Variants in BCKDHA observed in about 807,000 individuals in gnomAD.
The protein encoded by BCKDHA is 2-oxoisovalerate dehydrogenase subunit alpha, mitochondrial.
BCKDHA carries 43 observed loss-of-function variants against 52.2 expected under a neutral mutation model. The ratio of observed to expected loss-of-function variants is 0.82; its 90% CI spans 0.64 to 1.06. The LOEUF is 1.06. Among genes scored for constraint, BCKDHA ranks in the 50% least tolerant of loss-of-function variants. The pLI is 0.00. For synonymous variants in BCKDHA, 234 were observed against 247.9 expected (o/e 0.94, Z 0.53); for missense variants, 527 against 621.3 (o/e 0.85, Z 1.61).
chr19:41,397,833 G>A lies in BCKDHA; in HGVS notation c.6G>A (p.Ala2=), dbSNP rs1420392096. M[A]VAIAAARVWR... is the part of the protein sequence containing the mutation. The stretch of plus-strand genomic sequence containing the variant: ...CTGAGTGGTTGTTAGCCAAGATGGC[G>A]GTAGCGATCGCTGCAGCGAGGGTCT... Residue 2 remains alanine (A), a synonymous_variant, in exon 1 of 9, where the codon GCG becomes GCA. Coordinates refer to ENST00000269980, the MANE Select transcript of BCKDHA (RefSeq NM_000709.4). The A allele has an allele frequency of 6.2e-7, 1 of 1,614,150 alleles. No individual in the cohort carries two copies. The highest frequency in any genetic ancestry group is 8.5e-7 in the Non-Finnish European group (1 of 1,180,016).
chr19:41,419,515 C>T (rs950505665), intron 5 of BCKDHA, among the ~76,000 whole-genome samples: 1 of 152,176 alleles, frequency 6.6e-6, no homozygotes, highest in Non-Finnish European at 1.5e-5. Flanking sequence ...TATCGCAGCT[C>T]ACTGCAGCCT....
rs1325405564 is a variant in BCKDHA, at chr19:41,422,707, A to C, written c.932A>C (p.Lys311Thr). 1 of 1,614,112 alleles carries C rather than the reference A, an allele frequency of 6.2e-7. No individual in the cohort carries two copies. The highest frequency in any genetic ancestry group is 1.7e-5 in the Admixed American group (1 of 60,022). ...NDVFAVYNAT[K>T]EARRRAVAEN... ...GTGTTTGCCGTATACAACGCCACAAAGGAGGCCCGACGGCGGGCTGTGGCA... is the reference window on the plus strand; with the variant it reads ...GTGTTTGCCGTATACAACGCCACAACGGAGGCCCGACGGCGGGCTGTGGCA... Residue 311 changes from lysine to threonine, a missense_variant, in exon 7 of 9, where the codon AAG becomes ACG. Transcript: ENST00000269980.
chr19:41,424,560 C>T lies in BCKDHA; in HGVS notation c.1290C>T (p.His430=). The T allele has an allele frequency of 1.2e-6, 2 of 1,614,050 alleles. No individual in the cohort carries two copies. Among genetic ancestry groups the T allele is most frequent in the Non-Finnish European group, 1.7e-6 (2 of 1,179,938 alleles). ...LRKQQESLAR[H]LQTYGEHYPL... ...AGCAGCAGGAGTCTCTGGCCCGCCA[C>T]CTGCAGACCTACGGGGAGCACTACC... Residue 430 remains histidine, a synonymous_variant, in exon 9 of 9, where the codon CAC becomes CAT. Coordinates refer to ENST00000269980, the MANE Select transcript of BCKDHA (RefSeq NM_000709.4).
chr19:41,411,112 T>TG (rs1056149241), intron 3 of BCKDHA, 103 bp downstream of exon 3: 94 of 1,298,636 alleles, frequency 7.2e-5, no homozygotes, highest in Middle Eastern at 7.2e-4. Context: ...GATTCTTTTT[T>TG]GGGGGGGTTC....
chr19:41,408,445 A>G (rs143830581), intron 1 of BCKDHA, among the ~76,000 whole-genome samples: 2 of 152,154 alleles, frequency 1.3e-5, no homozygotes, highest in Non-Finnish European at 2.9e-5. Flanking sequence ...AGGGGGAGCT[A>G]TTGCAACGCC....
chr19:41,419,746 CTTTTTTTTTTTTTTTTTTT>C, intron 5 of BCKDHA, among the ~76,000 whole-genome samples: 1 of 127,958 alleles, frequency 7.8e-6, no homozygotes, highest in Middle Eastern at 4.3e-3. Context: ...GCCCAGCCCA[CTTTTTTTTTTTTTTTTTTT>C]TTTTTTTTTT....
chr19:41,417,359 C>A (rs960809675), intron 4 of BCKDHA, among the ~76,000 whole-genome samples: 1 of 152,138 alleles, frequency 6.6e-6, no homozygotes, highest in Admixed American at 6.5e-5. Flanking sequence ...CCCAGTCCTT[C>A]TCACATGGGT....
At chr19:41,409,420 C>T (rs2039227734) in intron 1 of BCKDHA, among the ~76,000 whole-genome samples, 1 of 152,110 alleles carries the variant, frequency 6.6e-6, no homozygotes, top group South Asian at 2.1e-4. Flanking sequence ...GGACAGATAT[C>T]TTGCCTGTCT....
chr19:41,414,228 C>A (rs1459685751), intron 4 of BCKDHA, 71 bp downstream of exon 4: 1 of 1,419,906 alleles, frequency 7.0e-7, no homozygotes, highest in Non-Finnish European at 9.9e-7. Flanking sequence ...GAGTGTTCTT[C>A]CAGGAGCAGC....
In BCKDHA at chr19:41,410,816, C is replaced by T. The variant is rs148571328; in HGVS notation, c.288C>T (p.His96=). The change falls in exon 2 of 9, where the codon CAC becomes CAT. Residue 96 remains histidine, a splice_region_variant and synonymous_variant. Transcript: ENST00000269980. ...TCATCAACCCCAGCGAGGACCCCCA[C>T]GTGAGAGGCGGCCTCCCCCACTTCC... is the stretch of plus-strand genomic sequence containing the variant. ...GQIINPSEDP[H]LPKEKVLKLY... 1,012 of 1,614,150 alleles carry T rather than the reference C, an allele frequency of 6.3e-4. 1 individual carries two copies. Among genetic ancestry groups the T allele is most frequent in the Admixed American group, 8.0e-4 (48 of 60,010 alleles).
chr19:41,399,075 G>A (rs748592648), intron 1 of BCKDHA, among the ~76,000 whole-genome samples: 5 of 151,990 alleles, frequency 3.3e-5, no homozygotes, highest in Admixed American at 6.6e-5. Context: ...GAGGCCCTGG[G>A]GAAAAAAATC....
Position 41,424,698 on chromosome 19 carries a change from T to C in BCKDHA, c.*90T>C. On this transcript the variant is annotated 3_prime_UTR_variant, in exon 9 of 9. Coordinates refer to ENST00000269980, the MANE Select transcript of BCKDHA (RefSeq NM_000709.4). Reference sequence around the variant, plus strand: ...GCAGGGGGACCTGACAGCACACCACTGTCTTCCCCAGTCAGCTCCCTCTAA... The same window carrying C: ...GCAGGGGGACCTGACAGCACACCACCGTCTTCCCCAGTCAGCTCCCTCTAA... 1 of 1,402,478 alleles carries C rather than the reference T, an allele frequency of 7.1e-7. No individual in the cohort carries two copies. Among genetic ancestry groups the C allele is most frequent in the Non-Finnish European group, 9.7e-7 (1 of 1,034,708 alleles). 86.9% of individuals were successfully genotyped at this position (1,402,478 alleles called of 1,614,324 possible).
rs2039202743 is a variant in BCKDHA at position 41,407,166 on chromosome 19, T to G, written c.109-3471T>G. Among the ~76,000 whole-genome samples the G allele has an allele frequency of 2.6e-5, 4 of 152,200 alleles. No individual in the cohort carries two copies. The South Asian group carries it at 8.3e-4, about 31-fold the overall frequency. On this transcript the variant is annotated intron_variant, in intron 1 of 8. Transcript: ENST00000269980. ...TTTTGTTTTTCTCTCTCTTACCAAG[T>G]TTTGAGTATGTAATACGTCCCAGAT... is the stretch of plus-strand genomic sequence containing the variant.
intron 4 of BCKDHA, among the ~76,000 whole-genome samples, chr19:41,415,885 G>A (rs991453419): frequency 7.5e-5 from 11 of 147,368 alleles, no homozygotes; most frequent in African/African-American, 1.5e-4. Context: ...CTGACCTTGC[G>A]ATCCGCCCTC....
rs746184652 is a variant in BCKDHA, at chr19:41,424,706, C to T, written c.*98C>T. ...ACCTGACAGCACACCACTGTCTTCC[C>T]CAGTCAGCTCCCTCTAAAATACTCA... On this transcript the variant is annotated 3_prime_UTR_variant, in exon 9 of 9. Transcript: ENST00000269980. The T allele has an allele frequency of 7.4e-7, 1 of 1,347,732 alleles. No individual in the cohort carries two copies. Among genetic ancestry groups the T allele is most frequent in the Non-Finnish European group, 1.0e-6 (1 of 991,742 alleles). 83.5% of individuals were successfully genotyped at this position (1,347,732 alleles called of 1,614,324 possible). A position where few individuals can be genotyped will look rare whatever the true frequency, so the allele number is the denominator to read the frequency against.
chr19:41,411,248 G>A (rs1260433271), intron 3 of BCKDHA, among the ~76,000 whole-genome samples: 2 of 152,172 alleles, frequency 1.3e-5, no homozygotes, highest in Non-Finnish European at 2.9e-5. Flanking sequence ...GGGCTCGCCT[G>A]TGTGGGGAGA....
chr19:41,407,678 G>A (rs917508107), intron 1 of BCKDHA, among the ~76,000 whole-genome samples: 9 of 152,124 alleles, frequency 5.9e-5, no homozygotes, highest in African/African-American at 7.2e-5. Context: ...ATGCTACCCC[G>A]CTAGAACTGT....
intron 1 of BCKDHA, among the ~76,000 whole-genome samples, chr19:41,402,062 A>T (rs779562086): frequency 1.3e-5 from 2 of 152,220 alleles, no homozygotes; most frequent in African/African-American, 2.4e-5. Flanking sequence ...GCAAAGTCAC[A>T]TCTTACATGG....
chr19:41,415,675 A>G (rs1967334), intron 4 of BCKDHA, among the ~76,000 whole-genome samples: 99,135 of 150,570 alleles, frequency 0.66, 33,724 homozygotes, highest in African/African-American at 0.83. Context: ...TTGAGATGGA[A>G]TCTCGCTCTG....
Sources: gnomAD v4.1 joint callset for allele counts (sites outside exome capture counted in the v4.1 genomes callset) on GRCh38, gnomAD v4.1.1 for gene constraint, MANE v1.5 for transcripts, NCBI Gene and HGNC (gene_info 2026-07-23, HGNC 2026-07-21) for gene names.